LPP: variants seen among roughly 807,000 people sequenced by gnomAD.
LPP encodes LIM domain containing preferred translocation partner in lipoma, also known as lipoma-preferred partner.
A neutral mutation model predicts 60.4 loss-of-function variants in LPP; 38 were observed. The observed-to-expected ratio is 0.63, with a 90% CI of 0.49 to 0.83. LPP has a LOEUF of 0.83. Ranked by LOEUF, LPP falls within the 40% of genes least tolerant of loss-of-function variation. The probability of loss-of-function intolerance (pLI) is 0.00; values close to 1 mark genes in which losing one functional copy is unlikely to be tolerated. For synonymous variants in LPP, 328 were observed against 290.8 expected (o/e 1.13, Z -1.30); for missense variants, 902 against 783.6 (o/e 1.15, Z -1.80).
Position 188,607,412 on chromosome 3 carries a change from TA to T in LPP, c.430-1748del, listed in dbSNP as rs1560628951. Among the ~76,000 whole-genome samples the T allele has an allele frequency of 6.0e-3, 338 of 56,104 alleles. 11 individuals carry two copies. The highest frequency in any genetic ancestry group is 0.011 in the Non-Finnish European group (196 of 18,106). 36.8% of individuals were successfully genotyped at this position (56,104 alleles called of 152,430 possible). On this transcript the variant is annotated intron_variant, in intron 6 of 11. Coordinates refer to ENST00000617246, the MANE Select transcript of LPP (RefSeq NM_001375462.1). ...ATATATATATATATATATATATATA[TA>T]TATAATTTTTTTTTCCTTTGCAGTT...
intron 3 of LPP, 43 bp downstream of exon 3, chr3:188,341,762 G>A: frequency 1.4e-6 from 1 of 725,472 alleles, no homozygotes; most frequent in Non-Finnish European, 1.7e-6. Context: ...AATACTAATA[G>A]GCATCTGAGC....
intron 2 of LPP, chr3:188,240,257 T>A (rs181277743): frequency 1.7e-5 from 3 of 172,650 alleles, no homozygotes; most frequent in South Asian, 2.0e-4. Context: ...AGCCAAAAAG[T>A]AGTGAGGGGG....
At position 188,592,364 on chromosome 3, in the gene LPP, A is replaced by G. The variant is rs111738855; in HGVS notation, c.430-16797A>G. 7.5e-4 allele frequency among the ~76,000 whole-genome samples: 114 copies of G among 152,038 alleles called. 1 individual carries two copies. The highest frequency in any genetic ancestry group is 1.6e-3 in the African/African-American group (67 of 41,466). On this transcript the variant is annotated intron_variant, in intron 6 of 11. Transcript: ENST00000617246. The stretch of plus-strand genomic sequence containing the variant: ...CACACACGCACACAGTCACACACAC[A>G]CACATACACACAGTCACACACACAC...
At position 188,660,497 on chromosome 3, in the gene LPP, G is replaced by A. The variant is rs78798802; in HGVS notation, c.1114-47770G>A. 5.9e-3 allele frequency among the ~76,000 whole-genome samples: 900 copies of A among 152,266 alleles called. 8 individuals are homozygous for A. Among genetic ancestry groups the A allele is most frequent in the African/African-American group, 0.021 (856 of 41,550 alleles). On this transcript the variant is annotated intron_variant, in intron 7 of 11. Transcript: ENST00000617246. ...ATGCATGTAGAAATCAATGTTTAGA[G>A]GGGTTGTTAAATAGCTAGTTAAAAT...
chr3:188,567,165 T>C (rs1045881303), intron 6 of LPP, among the ~76,000 whole-genome samples: 1 of 151,920 alleles, frequency 6.6e-6, no homozygotes, highest in African/African-American at 2.4e-5. Context: ...TAGCATTTTA[T>C]GGGCTTCTGA....
At chr3:188,812,309 A>G (rs1751224114) in intron 9 of LPP, among the ~76,000 whole-genome samples, 2 of 152,154 alleles carry the variant, frequency 1.3e-5, no homozygotes, top group Non-Finnish European at 2.9e-5. Context: ...TTGCAGTGCC[A>G]GTGGGCAAAC....
At chr3:188,614,586 C>G (rs1844503014) in intron 7 of LPP, among the ~76,000 whole-genome samples, 1 of 152,160 alleles carries the variant, frequency 6.6e-6, no homozygotes, top group African/African-American at 2.4e-5. Flanking sequence ...CTTTGTCTTT[C>G]TTTTTCTGAT....
chr3:188,308,793 G>A (rs1752347319), intron 2 of LPP, among the ~76,000 whole-genome samples: 1 of 152,134 alleles, frequency 6.6e-6, no homozygotes, highest in African/African-American at 2.4e-5. Context: ...ACTTATTGCT[G>A]GGGGCTCCAG....
chr3:188,804,783 AGAGAAAACATT>A (rs972543203), intron 9 of LPP, among the ~76,000 whole-genome samples: 12 of 152,146 alleles, frequency 7.9e-5, no homozygotes, highest in African/African-American at 2.9e-4. Flanking sequence ...CCCAATATTA[AGAGAAAACATT>A]GAGTCTTTTG....
chr3:188,414,905 G>T (rs1428300317), intron 4 of LPP, among the ~76,000 whole-genome samples: 1 of 152,140 alleles, frequency 6.6e-6, no homozygotes, highest in Non-Finnish European at 1.5e-5. Flanking sequence ...TTGTTTAGAA[G>T]TTACAGTGAT....
In LPP at chr3:188,667,966, C is replaced by T. The variant is rs755596511; in HGVS notation, c.1114-40301C>T. Among the ~76,000 whole-genome samples the T allele has an allele frequency of 7.9e-5, 12 of 151,988 alleles. No homozygotes were observed. In the South Asian group the frequency reaches 1.7e-3, roughly 21 times the overall value. On this transcript the variant is annotated intron_variant, in intron 7 of 11. Transcript: ENST00000617246. Reference sequence around the variant, plus strand: ...GCCTACTCAAGGTTAGACAGTGACTCGAGTCATTCCATGCACTTAAACAAT... The same window carrying T: ...GCCTACTCAAGGTTAGACAGTGACTTGAGTCATTCCATGCACTTAAACAAT...
chr3:188,294,524 C>T (rs1229743226), intron 2 of LPP, among the ~76,000 whole-genome samples: 1 of 152,168 alleles, frequency 6.6e-6, no homozygotes, highest in South Asian at 2.1e-4. Flanking sequence ...GGTAACACAA[C>T]TAGAGCCACC....
chr3:188,667,286 G>A (rs1406471932), intron 7 of LPP, among the ~76,000 whole-genome samples: 1 of 152,004 alleles, frequency 6.6e-6, no homozygotes, highest in Non-Finnish European at 1.5e-5. Flanking sequence ...AGACCATCCT[G>A]GCTAACACGG....
intron 7 of LPP, among the ~76,000 whole-genome samples, chr3:188,628,681 C>T (rs1022410945): frequency 2.0e-5 from 3 of 152,060 alleles, no homozygotes; most frequent in African/African-American, 7.2e-5. Context: ...TGTAATAAGA[C>T]TTGCTGGTAC....
rs1712940474 is a variant in LPP at position 188,714,436 on chromosome 3, C to T, written c.1240+6043C>T. ...TACATACATTAGGAAGACCGTCTAC[C>T]GAATACCTACCTATCAGCCATTTTG... On this transcript the variant is annotated intron_variant, in intron 8 of 11. Coordinates refer to ENST00000617246, the MANE Select transcript of LPP (RefSeq NM_001375462.1). 7.9e-5 allele frequency among the ~76,000 whole-genome samples: 12 copies of T among 152,258 alleles called. 1 individual carries two copies. The South Asian group carries it at 2.3e-3, about 29-fold the overall frequency.
intron 1 of LPP, among the ~76,000 whole-genome samples, chr3:188,218,143 T>G (rs1053521423): frequency 3.3e-5 from 5 of 152,226 alleles, no homozygotes; most frequent in Non-Finnish European, 5.9e-5. Context: ...CCAGAAGAGC[T>G]GGGGTTTGAA....
rs753807369 is a variant in LPP at position 188,882,447 on chromosome 3, C to G, written c.*7968C>G. On this transcript the variant is annotated 3_prime_UTR_variant, in exon 12 of 12. Transcript: ENST00000617246. ...AAGTATTTACTTGCTTTTCCCATCT[C>G]TTTATAATTGGAAGAGAAGATGATC... 7 of 226,724 alleles carry G rather than the reference C, an allele frequency of 3.1e-5. No homozygotes were observed. The highest frequency in any genetic ancestry group is 4.4e-5 in the African/African-American group (2 of 44,978). 14.0% of individuals were successfully genotyped at this position (226,724 alleles called of 1,614,324 possible).
chr3:188,610,842 G>C lies in LPP; in HGVS notation c.1113+998G>C, dbSNP rs577280346. ...AGCCAGTTTCCAGCCACTTGGGTTG[G>C]AAGAGTGCCCTTGCTTCTTTTCAGT... On this transcript the variant is annotated intron_variant, in intron 7 of 11. Coordinates refer to ENST00000617246, the MANE Select transcript of LPP (RefSeq NM_001375462.1). The surrounding 1 kb of genome is among the most constrained non-coding windows in gnomAD (Gnocchi z 4.4). Among the ~76,000 whole-genome samples the C allele has an allele frequency of 1.3e-5, 2 of 152,332 alleles. No individual in the cohort carries two copies. The highest frequency in any genetic ancestry group is 4.1e-4 in the South Asian group (2 of 4,834).
intron 7 of LPP, among the ~76,000 whole-genome samples, chr3:188,664,280 C>T (rs1855270020): frequency 6.6e-6 from 1 of 152,176 alleles, no homozygotes; most frequent in Non-Finnish European, 1.5e-5. Flanking sequence ...CTTAGCACCC[C>T]TCTTAGAGAT....
Sources: allele counts gnomAD v4.1 joint callset (sites outside exome capture counted in the v4.1 genomes callset), GRCh38; gene constraint gnomAD v4.1.1; non-coding constraint Gnocchi (gnomAD v3.1); transcripts MANE v1.5; gene names NCBI Gene and HGNC (gene_info 2026-07-23, HGNC 2026-07-21).